The following TNR variants were observed in gnomAD, a reference collection of about 807,000 sequenced individuals.
TNR encodes the protein tenascin-R.
TNR carries 45 observed loss-of-function variants against 150.4 expected under a neutral mutation model. The ratio of observed to expected loss-of-function variants is 0.30; its 90% confidence interval spans 0.24 to 0.38. The LOEUF is 0.38. Among genes scored for constraint, TNR ranks in the 10% least tolerant of loss-of-function variants. The pLI is 1.00. For missense variants in TNR, 1,544 were observed against 1,759.1 expected (o/e 0.88, Z 2.19); for synonymous variants, 687 against 678.4 (o/e 1.01, Z -0.20).
At chr1:175,580,373 G>A (rs1204065846) in intron 1 of TNR, among the ~76,000 whole-genome samples, 1 of 152,126 alleles carries the variant, frequency 6.6e-6, no homozygotes, top group Non-Finnish European at 1.5e-5. Flanking sequence ...ACTGTACCTG[G>A]GGGGTCTCTA....
intron 2 of TNR, among the ~76,000 whole-genome samples, chr1:175,471,310 A>G (rs1457756458): frequency 1.3e-5 from 2 of 152,212 alleles, no homozygotes; most frequent in Non-Finnish European, 2.9e-5. Context: ...TTACAAGATA[A>G]GTACAGTCAC....
At chr1:175,536,883 A>T (rs7515055) in intron 1 of TNR, among the ~76,000 whole-genome samples, 89,986 of 151,984 alleles carry the variant, frequency 0.59, 27,653 homozygotes, top group Admixed American at 0.68. Flanking sequence ...TGGGCCCCAT[A>T]TTGGGAATGT....
At chr1:175,709,047 C>T (rs1415589115) in intron 1 of TNR, among the ~76,000 whole-genome samples, 2 of 150,250 alleles carry the variant, frequency 1.3e-5, no homozygotes, top group African/African-American at 5.0e-5. Context: ...GTGAGTGTCG[C>T]CTCACTGGGG....
chr1:175,494,525 T>C (rs1026205272), intron 2 of TNR, among the ~76,000 whole-genome samples: 4 of 151,598 alleles, frequency 2.6e-5, no homozygotes, highest in Non-Finnish European at 5.9e-5. Flanking sequence ...GGGGAGGACA[T>C]GCTTTTGTAG....
chr1:175,497,107 G>A (rs1658520181), intron 2 of TNR, among the ~76,000 whole-genome samples: 1 of 152,202 alleles, frequency 6.6e-6, no homozygotes, highest in African/African-American at 2.4e-5. Context: ...TGGCTGTCTA[G>A]GCATTCTTCT....
chr1:175,715,808 T>C (rs1351182302), intron 1 of TNR, among the ~76,000 whole-genome samples: 1 of 152,206 alleles, frequency 6.6e-6, no homozygotes, highest in Non-Finnish European at 1.5e-5. Flanking sequence ...GGCTTATTCC[T>C]CCTTCCTGCT....
intron 2 of TNR, among the ~76,000 whole-genome samples, chr1:175,421,630 TA>T (rs1654759322): frequency 6.6e-6 from 1 of 152,238 alleles, no homozygotes; most frequent in Admixed American, 6.5e-5. Flanking sequence ...CCAAACTTTT[TA>T]TCTGTAAGAT....
At chr1:175,352,693 C>A (rs1257917683) in intron 18 of TNR, among the ~76,000 whole-genome samples, 1 of 152,100 alleles carries the variant, frequency 6.6e-6, no homozygotes, top group Non-Finnish European at 1.5e-5. Flanking sequence ...TGTTTGTGTA[C>A]CCAAGGTTTA....
At chr1:175,633,620 A>G (rs902924470) in intron 1 of TNR, among the ~76,000 whole-genome samples, 2 of 152,238 alleles carry the variant, frequency 1.3e-5, no homozygotes, top group African/African-American at 4.8e-5. Context: ...AGTTGATTTA[A>G]TCGCAAATGC....
At chr1:175,385,992 C>G (rs859436) in intron 8 of TNR, 40 bp downstream of exon 8, 928,472 of 1,526,482 alleles carry the variant, frequency 0.61, 283,995 homozygotes, top group Admixed American at 0.74. Flanking sequence ...CTCCACCCCT[C>G]TTTCCCTCCT....
intron 2 of TNR, among the ~76,000 whole-genome samples, chr1:175,492,584 G>T (rs1279386548): frequency 6.6e-6 from 1 of 152,144 alleles, no homozygotes; most frequent in Non-Finnish European, 1.5e-5. Context: ...GTGTGTCAAG[G>T]CCTAAGTTGA....
Position 175,366,248 on chromosome 1 carries a change from A to G in TNR, c.2054-110T>C. 2.5e-6 allele frequency: 3 copies of G among 1,189,216 alleles called. No homozygotes were observed. In the South Asian group the frequency reaches 5.3e-5, roughly 21 times the overall value. The allele number at this position is 1,189,216 out of a possible 1,614,324, so 73.7% of individuals were successfully genotyped here. On this transcript the variant is annotated intron_variant, in intron 10 of 22. Transcript: ENST00000367674. ...ATCAGCAGGCCTGCTGACTATGAGC[A>G]CTAGCTTGTCATTGCTGACACTTAT...
intron 1 of TNR, among the ~76,000 whole-genome samples, chr1:175,704,154 G>C (rs906085567): frequency 2.6e-5 from 4 of 152,328 alleles, no homozygotes; most frequent in Non-Finnish European, 5.9e-5. Flanking sequence ...CAACCATGTA[G>C]ATGTCCTAAT....
intron 2 of TNR, among the ~76,000 whole-genome samples, chr1:175,423,035 T>G (rs1174955380): frequency 1.3e-5 from 2 of 152,232 alleles, no homozygotes; most frequent in African/African-American, 2.4e-5. Flanking sequence ...ACTTCCATTC[T>G]CGGGCTTTAT....
At chr1:175,719,839 C>T (rs564549797) in intron 1 of TNR, among the ~76,000 whole-genome samples, 155 of 152,296 alleles carry the variant, frequency 1.0e-3, no homozygotes, top group Non-Finnish European at 1.7e-3. Context: ...GCTCTCAGAC[C>T]AGGATCAGAT....
chr1:175,401,991 T>C (rs1458640800), intron 4 of TNR, among the ~76,000 whole-genome samples: 11 of 152,190 alleles, frequency 7.2e-5, no homozygotes, highest in African/African-American at 2.4e-5. Flanking sequence ...AGTGAAATAA[T>C]AAACATAATC....
chr1:175,535,776 T>C (rs1660257845), intron 1 of TNR, among the ~76,000 whole-genome samples: 1 of 152,188 alleles, frequency 6.6e-6, no homozygotes, highest in Admixed American at 6.5e-5. Flanking sequence ...TAGAAAGCAT[T>C]ATTTCATCAA....
chr1:175,691,491 G>A (rs1666368081), intron 1 of TNR, among the ~76,000 whole-genome samples: 1 of 152,104 alleles, frequency 6.6e-6, no homozygotes, highest in South Asian at 2.1e-4. Context: ...GGCACAGAGA[G>A]GCTACTCAAA....
At chr1:175,396,930 G>A in intron 4 of TNR, 123 bp from the exon 5 acceptor site, 2 of 1,285,912 alleles carry the variant, frequency 1.6e-6, no homozygotes, top group East Asian at 2.4e-5. Context: ...GGGCTCAATG[G>A]CTTTAAGTGA....
Sources: gnomAD v4.1 joint callset for allele counts (sites outside exome capture counted in the v4.1 genomes callset) on GRCh38, gnomAD v4.1.1 for gene constraint, MANE v1.5 for transcripts, NCBI Gene and HGNC (gene_info 2026-07-23, HGNC 2026-07-21) for gene names.